The following UBTD2 variants were observed in gnomAD, a reference collection of about 807,000 sequenced individuals.
The protein encoded by UBTD2 is ubiquitin domain containing 2.
UBTD2 carries 9 observed loss-of-function variants against 19.8 expected under a neutral mutation model. The ratio of observed to expected loss-of-function variants is 0.46; its 90% confidence interval spans 0.27 to 0.79. The LOEUF is 0.79. Ranked by LOEUF, UBTD2 falls within the 30% of genes least tolerant of loss-of-function variation. UBTD2 has a pLI of 0.14. For missense variants in UBTD2, 250 were observed against 300.4 expected (o/e 0.83, Z 1.24); for synonymous variants, 98 against 103.9 (o/e 0.94, Z 0.35).
At chr5:172,265,664 A>G (rs1352613816) in intron 1 of UBTD2, among the ~76,000 whole-genome samples, 11 of 152,208 alleles carry the variant, frequency 7.2e-5, no homozygotes, top group Middle Eastern at 3.4e-3. Context: ...CAAATGATAA[A>G]AGAGCCACAA....
In UBTD2 at chr5:172,212,092, G is replaced by C; in HGVS notation, c.443C>G (p.Ser148Cys). Residue 148 changes from serine (S) to cysteine (C), a missense_variant, in exon 3 of 3, where the codon TCT becomes TGT. Physicochemically the swap from Ser to Cys is moderately radical, Grantham distance 112. Transcript: ENST00000393792. Reference sequence around the variant, plus strand: ...CAAACGAAGCTGACATTCATATCCAGAATTGGGTGGTGGCTCAGGAATATC... The same window carrying C: ...CAAACGAAGCTGACATTCATATCCACAATTGGGTGGTGGCTCAGGAATATC... The part of the protein sequence containing the change: ...TLDIPEPPPN[S>C]GYECQLRLRL... 6.2e-7 allele frequency: 1 copy of C among 1,614,202 alleles called. No individual in the cohort carries two copies. The highest frequency in any genetic ancestry group is 8.5e-7 in the Non-Finnish European group (1 of 1,180,038).
intron 1 of UBTD2, among the ~76,000 whole-genome samples, chr5:172,257,492 T>C (rs1162061952): frequency 1.3e-5 from 2 of 152,194 alleles, no homozygotes; most frequent in Non-Finnish European, 2.9e-5. Context: ...TTCCTTTGAG[T>C]ATATACCCAG....
At chr5:172,217,357 T>C (rs1310989142) in intron 2 of UBTD2, among the ~76,000 whole-genome samples, 1 of 148,416 alleles carries the variant, frequency 6.7e-6, no homozygotes, top group African/African-American at 2.5e-5. Context: ...AGGCGGAGCT[T>C]GCAGTGAGTC....
chr5:172,245,925 A>C (rs1754872127), intron 1 of UBTD2, among the ~76,000 whole-genome samples: 1 of 152,186 alleles, frequency 6.6e-6, no homozygotes. Context: ...AGTTCTCCAG[A>C]TTTTTATGAG....
chr5:172,212,131 T>G lies in UBTD2; in HGVS notation c.404A>C (p.Asp135Ala). 1 of 1,614,272 alleles carries G rather than the reference T, an allele frequency of 6.2e-7. No individual in the cohort carries two copies. Among genetic ancestry groups the G allele is most frequent in the Non-Finnish European group, 8.5e-7 (1 of 1,180,046 alleles). ...PPINMIEEKS[D>A]IETLDIPEPP... ...CTCAGGAATATCCAGAGTCTCTATGTCGCTCTTTTCCTCTATCATGTTGAT... is the reference window on the plus strand; with the variant it reads ...CTCAGGAATATCCAGAGTCTCTATGGCGCTCTTTTCCTCTATCATGTTGAT... Residue 135 changes from aspartate (D) to alanine (A), a missense_variant, in exon 3 of 3, where the codon GAC becomes GCC. Coordinates refer to ENST00000393792, the MANE Select transcript of UBTD2 (RefSeq NM_152277.3).
chr5:172,229,228 C>T (rs566667820), intron 2 of UBTD2, among the ~76,000 whole-genome samples: 28 of 151,938 alleles, frequency 1.8e-4, no homozygotes, highest in African/African-American at 5.1e-4. Context: ...TGGCCGGGCG[C>T]GGTGGCTCAC....
intron 1 of UBTD2, chr5:172,254,956 G>A: frequency 1.8e-6 from 1 of 540,704 alleles, no homozygotes; most frequent in East Asian, 4.4e-5. Flanking sequence ...GCTCCTGGAG[G>A]TGACTCATGT....
In UBTD2 at chr5:172,234,163, G is replaced by A. The variant is rs1239172337; in HGVS notation, c.266C>T (p.Ala89Val). The A allele has an allele frequency of 6.2e-7, 1 of 1,614,004 alleles. No individual in the cohort carries two copies. The highest frequency in any genetic ancestry group is 2.2e-5 in the East Asian group (1 of 44,880). ...GTTTGCACCATCAATGATTGCTTGT[G>A]CCAGTTCATGATCATTGCTCTCAAA... The part of the protein sequence containing the change: ...HAFESNDHEL[A>V]QAIIDGANIT... The change falls in exon 2 of 3, where the codon GCA becomes GTA. Residue 89 changes from alanine to valine, a missense_variant. Physicochemically the swap from Ala to Val is moderately conservative, Grantham distance 64. Transcript: ENST00000393792.
chr5:172,284,038 C>T (rs1260265255), upstream of UBTD2: 1 of 149,656 alleles, frequency 6.7e-6, no homozygotes, highest in Non-Finnish European at 1.5e-5. Context: ...GCCTCGCGTC[C>T]GCCAGGACCC....
At chr5:172,249,154 T>C (rs1192697260) in intron 1 of UBTD2, among the ~76,000 whole-genome samples, 1 of 151,850 alleles carries the variant, frequency 6.6e-6, no homozygotes, top group Non-Finnish European at 1.5e-5. Context: ...TCCCAGCACT[T>C]TGGAAGGCCG....
intron 2 of UBTD2, among the ~76,000 whole-genome samples, chr5:172,232,316 T>TAAAAAAAAAAAAAAAAAAAAAAAAAAA: frequency 7.6e-6 from 1 of 132,036 alleles, no homozygotes; most frequent in Non-Finnish European, 1.7e-5. Flanking sequence ...CTCACTGTCA[T>TAAAAAAAAAAAAAAAAAAAAAAAAAAA]AAAAAAAAAA....
At chr5:172,269,735 C>T (rs1384341992) in intron 1 of UBTD2, among the ~76,000 whole-genome samples, 3 of 120,082 alleles carry the variant, frequency 2.5e-5, no homozygotes, top group African/African-American at 1.1e-4. Context: ...TATACATGTG[C>T]ATGTAAAAAA....
At chr5:172,221,110 T>C (rs1159035314) in intron 2 of UBTD2, among the ~76,000 whole-genome samples, 1 of 152,146 alleles carries the variant, frequency 6.6e-6, no homozygotes, top group Admixed American at 6.5e-5. Context: ...AATTACTAAA[T>C]AGAGAAAGAG....
intron 1 of UBTD2, among the ~76,000 whole-genome samples, chr5:172,282,110 T>G (rs1291806229): frequency 6.6e-6 from 1 of 152,174 alleles, no homozygotes; most frequent in Non-Finnish European, 1.5e-5. Flanking sequence ...TGAAAAAAAT[T>G]TAATTAAAAC....
intron 1 of UBTD2, among the ~76,000 whole-genome samples, chr5:172,271,114 T>G (rs1755480768): frequency 1.3e-5 from 2 of 152,116 alleles, no homozygotes; most frequent in Non-Finnish European, 2.9e-5. Flanking sequence ...CTCTGCCTTT[T>G]CTTCATCTAA....
At chr5:172,239,676 C>T (rs1772088476) in intron 1 of UBTD2, among the ~76,000 whole-genome samples, 1 of 152,134 alleles carries the variant, frequency 6.6e-6, no homozygotes, top group South Asian at 2.1e-4. Flanking sequence ...CAGCCTTGGC[C>T]TCCCAAAGTG....
chr5:172,254,608 T>A (rs1404275700), intron 1 of UBTD2: 1 of 649,976 alleles, frequency 1.5e-6, no homozygotes. Context: ...GCGTACACTT[T>A]GTTGCATCCA....
chr5:172,210,747 T>G lies in UBTD2; in HGVS notation c.*1083A>C, dbSNP rs1771426526. ...CCAGTAAATCTTTCACACTTAAAAA[T>G]TTTGAGTTGAAATTTCCTCTAAAAG... On this transcript the variant is annotated 3_prime_UTR_variant, in exon 3 of 3. Transcript: ENST00000393792. The G allele has an allele frequency of 6.6e-6, 1 of 152,132 alleles. No individual in the cohort carries two copies. The highest frequency in any genetic ancestry group is 1.5e-5 in the Non-Finnish European group (1 of 68,018). The allele number at this position is 152,132 out of a possible 1,614,324, so 9.4% of individuals were successfully genotyped here.
At chr5:172,230,639 GAAGT>G (rs1268464240) in intron 2 of UBTD2, among the ~76,000 whole-genome samples, 1 of 152,140 alleles carries the variant, frequency 6.6e-6, no homozygotes, top group African/African-American at 2.4e-5. Context: ...GGTAGGGACA[GAAGT>G]AAGACCAGAA....
Sources: allele counts gnomAD v4.1 joint callset (sites outside exome capture counted in the v4.1 genomes callset), GRCh38; gene constraint gnomAD v4.1.1; transcripts MANE v1.5; gene names NCBI Gene and HGNC (gene_info 2026-07-23, HGNC 2026-07-21).